MRPS5: variants seen among roughly 807,000 people sequenced by gnomAD.
The protein encoded by MRPS5 is mitochondrial ribosomal protein S5, also known as small ribosomal subunit protein uS5m.
Under a neutral mutation model 51.9 loss-of-function variants are expected in MRPS5, and 27 were observed. That is an observed-to-expected ratio of 0.52 (90% CI 0.38 to 0.72). MRPS5 has a LOEUF of 0.72. Among genes scored for constraint, MRPS5 ranks in the 30% least tolerant of loss-of-function variants. The pLI, the probability that MRPS5 is intolerant of heterozygous loss-of-function variation, is 0.00. For synonymous variants in MRPS5, 196 were observed against 193.2 expected, an observed-to-expected ratio of 1.01 and a Z score of -0.12; for missense variants, 570 against 545.7, an observed-to-expected ratio of 1.04 and a Z score of -0.44.
intron 3 of MRPS5, 110 bp downstream of exon 3, chr2:95,114,956 T>C: frequency 9.9e-7 from 1 of 1,010,438 alleles, no homozygotes; most frequent in Non-Finnish European, 1.4e-6. Flanking sequence ...AACAGTACAT[T>C]GTAAACTAAT....
intron 3 of MRPS5, among the ~76,000 whole-genome samples, chr2:95,113,391 G>A (rs1482692280): frequency 1.3e-5 from 2 of 151,922 alleles, no homozygotes; most frequent in Non-Finnish European, 2.9e-5. Flanking sequence ...CAGGAGAATC[G>A]CTTGAACCCA....
chr2:95,108,870 A>T (rs1052875011), intron 4 of MRPS5, among the ~76,000 whole-genome samples: 8 of 151,972 alleles, frequency 5.3e-5, no homozygotes, highest in Admixed American at 4.6e-4. Flanking sequence ...TATAATCTAA[A>T]TTTTTTTTAA....
rs1676065129 is a variant in MRPS5 at position 95,109,853 on chromosome 2, A to T, written c.403+63T>A. 4.5e-6 allele frequency: 7 copies of T among 1,551,386 alleles called. No homozygotes were observed. In the South Asian group the frequency reaches 8.5e-5, roughly 19 times the overall value. ...TTTTGATGCTTCTAGTTTGTAAAAT[A>T]TCTATAAAATCTGGGGTAAGAAACT... On this transcript the variant is annotated intron_variant, in intron 4 of 11. Coordinates refer to ENST00000272418, the MANE Select transcript of MRPS5 (RefSeq NM_031902.5).
At chr2:95,102,967 C>T (rs766179364) in intron 7 of MRPS5, among the ~76,000 whole-genome samples, 36 of 152,054 alleles carry the variant, frequency 2.4e-4, no homozygotes, top group Admixed American at 8.5e-4. Context: ...AGACCTGGGA[C>T]AAAAGAGGAT....
rs1026122296 is a variant in MRPS5, at chr2:95,100,590, C to T, written c.869-54G>A. 5 of 1,371,782 alleles carry T rather than the reference C, an allele frequency of 3.6e-6. No homozygotes were observed. In the African/African-American group the frequency reaches 7.2e-5, roughly 20 times the overall value. The allele number at this position is 1,371,782 out of a possible 1,614,324, so 85.0% of individuals were successfully genotyped here. On this transcript the variant is annotated intron_variant, in intron 9 of 11. Transcript: ENST00000272418. Reference sequence around the variant, plus strand: ...GATTAGGTGTGTGGCTTTAATAAGCCTTTGCAAATATCACAAAGCAATGTA... The same window carrying T: ...GATTAGGTGTGTGGCTTTAATAAGCTTTTGCAAATATCACAAAGCAATGTA...
At chr2:95,111,467 A>C (rs1357153655) in intron 3 of MRPS5, among the ~76,000 whole-genome samples, 1 of 152,186 alleles carries the variant, frequency 6.6e-6, no homozygotes, top group African/African-American at 2.4e-5. Context: ...TTTAAAAAGA[A>C]CTTGACATTG....
At chr2:95,115,548 T>C (rs1183657435) in intron 2 of MRPS5, among the ~76,000 whole-genome samples, 2 of 152,258 alleles carry the variant, frequency 1.3e-5, no homozygotes, top group African/African-American at 2.4e-5. Flanking sequence ...CAGCAACGTA[T>C]TGCTGTGGAA....
upstream of MRPS5, chr2:95,121,925 G>A (rs1235482022): frequency 2.8e-6 from 3 of 1,067,810 alleles, no homozygotes; most frequent in Non-Finnish European, 3.9e-6. Flanking sequence ...CAGCAGCGCA[G>A]GCCGGGGTGA....
chr2:95,110,050 A>G lies in MRPS5; in HGVS notation c.278-9T>C, dbSNP rs766915106. 5.0e-6 allele frequency: 8 copies of G among 1,602,938 alleles called. No homozygotes were observed. Among genetic ancestry groups the G allele is most frequent in the South Asian group, 1.1e-5 (1 of 88,084 alleles). On this transcript the variant is annotated splice_polypyrimidine_tract_variant and intron_variant, in intron 3 of 11. Coordinates refer to ENST00000272418, the MANE Select transcript of MRPS5 (RefSeq NM_031902.5). ...CAGCTCATCTGCAGTCACTGTAACG[A>G]AACAGGGTTTCTTTTCTTAATTCTG...
chr2:95,121,914 G>T, upstream of MRPS5: 2 of 1,119,908 alleles, frequency 1.8e-6, no homozygotes, highest in Non-Finnish European at 2.4e-6. Flanking sequence ...CCGAGTCCAC[G>T]CAGCAGCGCA....
At chr2:95,107,188 A>G (rs1443777485) in intron 5 of MRPS5, among the ~76,000 whole-genome samples, 1 of 152,044 alleles carries the variant, frequency 6.6e-6, no homozygotes, top group Admixed American at 6.6e-5. Flanking sequence ...TTTCCTCTAA[A>G]CTCTGCTCAA....
At chr2:95,096,928 A>G (rs947970119) in intron 10 of MRPS5, among the ~76,000 whole-genome samples, 1 of 152,204 alleles carries the variant, frequency 6.6e-6, no homozygotes, top group African/African-American at 2.4e-5. Flanking sequence ...ATGATTGTGT[A>G]TTTAGAAAAC....
chr2:95,087,522 T>C lies in MRPS5; in HGVS notation c.1128A>G (p.Glu376=). 6.2e-7 allele frequency: 1 copy of C among 1,614,204 alleles called. No individual in the cohort carries two copies. Among genetic ancestry groups the C allele is most frequent in the Non-Finnish European group, 8.5e-7 (1 of 1,180,026 alleles). The stretch of plus-strand genomic sequence containing the variant: ...CAACCACAATGGGCAGAGGGCCACA[T>C]TCCTCCCGGATTTCCACAACATGGA... ...KGLHVVEIRE[E]CGPLPIVVAS... Residue 376 remains glutamate (E), a synonymous_variant, in exon 12 of 12, where the codon GAA becomes GAG. Transcript: ENST00000272418.
Position 95,106,447 on chromosome 2 carries a change from C to T in MRPS5, c.648G>A (p.Glu216=). The T allele has an allele frequency of 1.9e-6, 3 of 1,604,966 alleles. No individual in the cohort carries two copies. Among genetic ancestry groups the T allele is most frequent in the Non-Finnish European group, 2.6e-6 (3 of 1,174,164 alleles). The change falls in exon 6 of 12, where the codon GAG becomes GAA. Residue 216 remains glutamate (E), a synonymous_variant. Transcript: ENST00000272418. Reference sequence around the variant, plus strand: ...CCTCAAGTATCCTGGTATCAAAATCCTCATATGTTTCTGTAGGGAGAAAAG... The same window carrying T: ...CCTCAAGTATCCTGGTATCAAAATCTTCATATGTTTCTGTAGGGAGAAAAG... ...PDPGPCGETY[E]DFDTRILEVR...
At position 95,095,255 on chromosome 2, in the gene MRPS5, T is replaced by G. The variant is rs191677854; in HGVS notation, c.932-4733A>C. On this transcript the variant is annotated intron_variant, in intron 10 of 11. Coordinates refer to ENST00000272418, the MANE Select transcript of MRPS5 (RefSeq NM_031902.5). ...TCCTTAGAGACCTACAAAGAGACTT[T>G]GACTCCCACACAATAATAATGGGAG... Among the ~76,000 whole-genome samples the G allele has an allele frequency of 3.6e-3, 543 of 152,242 alleles. 9 individuals are homozygous for G. The highest frequency in any genetic ancestry group is 9.0e-4 in the Non-Finnish European group (61 of 68,006).
At chr2:95,104,521 G>T in intron 7 of MRPS5, 119 bp downstream of exon 7, 1 of 1,016,304 alleles carries the variant, frequency 9.8e-7, no homozygotes, top group Non-Finnish European at 1.6e-6. Context: ...ACCACTAAAA[G>T]GTTTAATCAA....
At chr2:95,099,813 C>T (rs139393535) in intron 10 of MRPS5, among the ~76,000 whole-genome samples, 1 of 152,288 alleles carries the variant, frequency 6.6e-6, no homozygotes, top group African/African-American at 2.4e-5. Context: ...GTATTAGAAG[C>T]TTTGATATGA....
chr2:95,099,541 GCACATCTCAATAGC>G (rs1675736694), intron 10 of MRPS5, among the ~76,000 whole-genome samples: 1 of 152,176 alleles, frequency 6.6e-6, no homozygotes, highest in Admixed American at 6.5e-5. Flanking sequence ...GATAATTAGA[GCACATCTCAATAGC>G]CACATATTAC....
rs930547037 is a variant in MRPS5 at position 95,103,133 on chromosome 2, G to A, written c.764-1410C>T. ...TAACTAATATTTATAACCCTGTAGT[G>A]ATATAAGACTGATAAATTTGCCACA... On this transcript the variant is annotated intron_variant, in intron 7 of 11. Transcript: ENST00000272418. Among the ~76,000 whole-genome samples, 10 of 152,292 alleles carry A rather than the reference G, an allele frequency of 6.6e-5. 1 individual carries two copies. The highest frequency in any genetic ancestry group is 5.9e-4 in the Admixed American group (9 of 15,296).
Sources: allele counts gnomAD v4.1 joint callset (sites outside exome capture counted in the v4.1 genomes callset), GRCh38; gene constraint gnomAD v4.1.1; transcripts MANE v1.5; gene names NCBI Gene and HGNC (gene_info 2026-07-23, HGNC 2026-07-21).